Variants in LDAH observed in about 807,000 individuals in gnomAD.
LDAH encodes lipid droplet-associated hydrolase.
In LDAH, 26 loss-of-function variants were observed where a neutral mutation model predicts 29.6. The ratio of observed to expected loss-of-function variants is 0.88; its 90% CI spans 0.64 to 1.22. The LOEUF (loss-of-function observed/expected upper bound fraction) is 1.22, where lower values mean the gene tolerates loss of function less well. Ranked by LOEUF, LDAH falls within the 50% of genes most tolerant of loss-of-function variation. The pLI is 0.00. For missense variants in LDAH, 344 were observed against 387.3 expected (o/e 0.89, Z 0.94); for synonymous variants, 117 against 133.0 (o/e 0.88, Z 0.83).
chr2:20,757,589 A>G (rs773514769), intron 4 of LDAH, among the ~76,000 whole-genome samples: 5 of 152,212 alleles, frequency 3.3e-5, no homozygotes, highest in Non-Finnish European at 7.3e-5. Context: ...ACTGGGCCAC[A>G]GGGTGCCCAG....
At position 20,764,552 on chromosome 2, in the gene LDAH, T is replaced by C. The variant is rs537858103; in HGVS notation, c.468+10258A>G. Among the ~76,000 whole-genome samples, 216 of 152,328 alleles carry C rather than the reference T, an allele frequency of 1.4e-3. 4 individuals carry two copies. In the South Asian group the frequency reaches 0.041, roughly 29 times the overall value. On this transcript the variant is annotated intron_variant, in intron 4 of 6. Transcript: ENST00000237822. ...TCAACAGTCTCTTTATCTCCTATGC[T>C]CCAGAACACTCACACATGCTGTCAT...
chr2:20,687,593 TGA>T lies in LDAH; in HGVS notation c.787-501_787-500del, dbSNP rs527547737. Among the ~76,000 whole-genome samples, 245 of 152,354 alleles carry T rather than the reference TGA, an allele frequency of 1.6e-3. 2 individuals are homozygous for T. The highest frequency in any genetic ancestry group is 5.6e-3 in the African/African-American group (232 of 41,592). ...AGCTGATGAAATGTGATCAGAATCCTGAGAGAGTTTATGACCTTTCTAAGAAA... is the reference window on the plus strand; with the variant it reads ...AGCTGATGAAATGTGATCAGAATCCTGAGAGTTTATGACCTTTCTAAGAAA... On this transcript the variant is annotated intron_variant, in intron 6 of 6. Transcript: ENST00000237822.
intron 1 of LDAH, among the ~76,000 whole-genome samples, chr2:20,809,257 C>A (rs932610212): frequency 2.2e-5 from 3 of 136,440 alleles, no homozygotes; most frequent in Non-Finnish European, 3.0e-5. Context: ...AAATTAGCTG[C>A]GCTTGGTGGC....
intron 1 of LDAH, among the ~76,000 whole-genome samples, chr2:20,803,605 G>A (rs1323618850): frequency 3.9e-5 from 6 of 152,082 alleles, no homozygotes; most frequent in African/African-American, 9.7e-5. Context: ...TGGCCCTGCC[G>A]CACTGCCCTG....
intron 4 of LDAH, among the ~76,000 whole-genome samples, chr2:20,767,531 C>T (rs1003023911): frequency 2.0e-5 from 3 of 152,210 alleles, no homozygotes; most frequent in Non-Finnish European, 4.4e-5. Flanking sequence ...GTGTTGAGGG[C>T]GGCTCAGCAC....
chr2:20,773,246 T>C (rs1669554380), intron 4 of LDAH, among the ~76,000 whole-genome samples: 1 of 151,710 alleles, frequency 6.6e-6, no homozygotes, highest in South Asian at 2.1e-4. Context: ...ATTTTACAAA[T>C]GAGGAAACTG....
At chr2:20,762,436 C>T (rs1455199235) in intron 4 of LDAH, among the ~76,000 whole-genome samples, 4 of 152,128 alleles carry the variant, frequency 2.6e-5, no homozygotes, top group African/African-American at 9.7e-5. Context: ...CTATAAGCCA[C>T]CTGGTATTTA....
chr2:20,756,095 G>C (rs1668321741), intron 4 of LDAH, among the ~76,000 whole-genome samples: 1 of 151,686 alleles, frequency 6.6e-6, no homozygotes, highest in South Asian at 2.1e-4. Context: ...GTAGTGGCGC[G>C]GTCTTGGCTC....
chr2:20,783,271 C>A (rs1364620533), intron 3 of LDAH, among the ~76,000 whole-genome samples: 1 of 152,082 alleles, frequency 6.6e-6, no homozygotes, highest in Non-Finnish European at 1.5e-5. Flanking sequence ...TCCATGTGTG[C>A]TTGAGAAGAC....
rs1663672429 is a variant in LDAH, at chr2:20,698,585, C to A, written c.786+2985G>T. Among the ~76,000 whole-genome samples the A allele has an allele frequency of 1.3e-5, 2 of 151,952 alleles. No homozygotes were observed. The highest frequency in any genetic ancestry group is 2.1e-4 in the South Asian group (1 of 4,822). Reference sequence around the variant, plus strand: ...ATCCCAGCTACTCGGGAGGCTGAGGCAAGAAAATCGCTTGAACCCGGGAAG... The same window carrying A: ...ATCCCAGCTACTCGGGAGGCTGAGGAAAGAAAATCGCTTGAACCCGGGAAG... On this transcript the variant is annotated intron_variant, in intron 6 of 6. Coordinates refer to ENST00000237822, the MANE Select transcript of LDAH (RefSeq NM_021925.4). This position sits in a 1 kb window ranked among gnomAD's most constrained non-coding sequence, Gnocchi z 4.4.
chr2:20,794,181 G>A (rs1671156455), intron 2 of LDAH, among the ~76,000 whole-genome samples: 1 of 152,022 alleles, frequency 6.6e-6, no homozygotes, highest in African/African-American at 2.4e-5. Flanking sequence ...GTGTGCAGGG[G>A]AACTCCTCTT....
intron 3 of LDAH, chr2:20,789,218 A>G (rs1276422559): frequency 6.4e-7 from 1 of 1,550,434 alleles, no homozygotes; most frequent in Admixed American, 2.0e-5. Flanking sequence ...AATGCTATTA[A>G]GAGGTGGAGA....
intron 5 of LDAH, among the ~76,000 whole-genome samples, chr2:20,709,172 TC>T (rs1190612758): frequency 9.2e-5 from 14 of 152,284 alleles, no homozygotes; most frequent in Admixed American, 9.2e-4. Flanking sequence ...GTCAAAACTT[TC>T]TTCATGCACA....
Position 20,685,472 on chromosome 2 carries a change from G to A in LDAH, c.*1431C>T. The A allele has an allele frequency of 6.6e-7, 1 of 1,516,980 alleles. No individual in the cohort carries two copies. Among genetic ancestry groups the A allele is most frequent in the Non-Finnish European group, 8.8e-7 (1 of 1,130,974 alleles). 94.0% of individuals were successfully genotyped at this position (1,516,980 alleles called of 1,614,324 possible). A position where few individuals can be genotyped will look rare whatever the true frequency, so the allele number is the denominator to read the frequency against. The stretch of plus-strand genomic sequence containing the variant: ...AACAGCACTCCTTGTCTGGAGCTTG[G>A]CTTTTCCCCTCTGAGAAGTCACTTG... On this transcript the variant is annotated 3_prime_UTR_variant, in exon 7 of 7. Transcript: ENST00000237822.
intron 4 of LDAH, among the ~76,000 whole-genome samples, chr2:20,772,268 T>G (rs1432301337): frequency 6.6e-6 from 1 of 152,256 alleles, no homozygotes; most frequent in Non-Finnish European, 1.5e-5. Context: ...ATGAATATTT[T>G]CTTTCCTATG....
chr2:20,802,311 C>G (rs1346868464), intron 1 of LDAH, among the ~76,000 whole-genome samples: 1 of 152,070 alleles, frequency 6.6e-6, no homozygotes, highest in African/African-American at 2.4e-5. Context: ...CCACCCACCT[C>G]GGCCTCCCAA....
At chr2:20,736,912 A>G (rs13032556) in intron 5 of LDAH, among the ~76,000 whole-genome samples, 8,693 of 152,316 alleles carry the variant, frequency 0.057, 354 homozygotes, top group Non-Finnish European at 0.086. Context: ...TCCCATGTAC[A>G]TATGAAATAT....
chr2:20,773,765 A>G (rs1669592082), intron 4 of LDAH, among the ~76,000 whole-genome samples: 1 of 152,200 alleles, frequency 6.6e-6, no homozygotes, highest in Non-Finnish European at 1.5e-5. Flanking sequence ...TGGCAAGAAA[A>G]GGAGCGAGTG....
At chr2:20,763,112 T>G (rs962905714) in intron 4 of LDAH, among the ~76,000 whole-genome samples, 3 of 152,232 alleles carry the variant, frequency 2.0e-5, no homozygotes, top group Non-Finnish European at 4.4e-5. Context: ...AAAATACATC[T>G]TGGTAGTGCT....
Sources: allele counts gnomAD v4.1 joint callset (sites outside exome capture counted in the v4.1 genomes callset), GRCh38; gene constraint gnomAD v4.1.1; non-coding constraint Gnocchi (gnomAD v3.1); transcripts MANE v1.5; gene names NCBI Gene and HGNC (gene_info 2026-07-23, HGNC 2026-07-21).